The following RCC1 variants were observed in gnomAD, a reference collection of about 807,000 sequenced individuals.
The protein encoded by RCC1 is regulator of chromosome condensation 1.
In RCC1, 11 loss-of-function variants were observed where a neutral mutation model predicts 44.4. The ratio of observed to expected loss-of-function variants is 0.25; its 90% CI spans 0.16 to 0.41. RCC1 has a LOEUF of 0.41. Among genes scored for constraint, RCC1 ranks in the 10% least tolerant of loss-of-function variants. The pLI is 1.00. For missense variants in RCC1, 386 were observed against 547.1 expected (o/e 0.71, Z 2.94); for synonymous variants, 213 against 216.5 (o/e 0.98, Z 0.14).
In RCC1 at chr1:28,516,705, C is replaced by A; in HGVS notation, c.-152-20C>A. On this transcript the variant is annotated intron_variant, in intron 3 of 12. Transcript: ENST00000683442. ...AAATAGGCAATAATAATAATAATCACTTATTATTATTACATGAAGCTACAT... is the reference window on the plus strand; with the variant it reads ...AAATAGGCAATAATAATAATAATCAATTATTATTATTACATGAAGCTACAT... 2 of 358,838 alleles carry A rather than the reference C, an allele frequency of 5.6e-6. No homozygotes were observed. Among genetic ancestry groups the A allele is most frequent in the East Asian group, 8.1e-5 (1 of 12,378 alleles). 22.2% of individuals were successfully genotyped at this position (358,838 alleles called of 1,614,324 possible).
chr1:28,528,140 T>C (rs1170223576), intron 4 of RCC1, among the ~76,000 whole-genome samples: 1 of 151,096 alleles, frequency 6.6e-6, no homozygotes, highest in South Asian at 2.1e-4. Context: ...GCCAACATGG[T>C]GAAACCCCGT....
chr1:28,519,601 CTT>C (rs770993427), intron 4 of RCC1, among the ~76,000 whole-genome samples: 8 of 151,420 alleles, frequency 5.3e-5, no homozygotes, highest in Non-Finnish European at 1.0e-4. Context: ...AGTTTCCACT[CTT>C]ATTACCCAGG....
At chr1:28,515,499 T>G (rs1662843083) in intron 3 of RCC1, among the ~76,000 whole-genome samples, 1 of 146,062 alleles carries the variant, frequency 6.8e-6, no homozygotes, top group South Asian at 2.2e-4. Flanking sequence ...GGTGGATCAC[T>G]TGAGGTCAAG....
At position 28,535,342 on chromosome 1, in the gene RCC1, C is replaced by G; in HGVS notation, c.623C>G (p.Pro208Arg). The G allele has an allele frequency of 6.2e-7, 1 of 1,614,160 alleles. No individual in the cohort carries two copies. The highest frequency in any genetic ancestry group is 2.2e-5 in the East Asian group (1 of 44,888). The change falls in exon 9 of 13, where the codon CCT (proline) becomes CGT (arginine). Residue 208 changes from proline (P) to arginine (R), a missense_variant. By Grantham distance (103) the Pro-to-Arg change is moderately radical. Coordinates refer to ENST00000683442, the MANE Select transcript of RCC1 (RefSeq NM_001381865.2). ...GAACAGGGCCAGCTAGGCCGTGTGC[C>G]TGAGTTATTTGCCAACCGTGGTGGC... ...CGEQGQLGRV[P>R]ELFANRGGRQ...
chr1:28,513,169 T>C (rs111781776), intron 3 of RCC1, among the ~76,000 whole-genome samples: 2,523 of 151,992 alleles, frequency 0.017, 63 homozygotes, highest in African/African-American at 0.056. Flanking sequence ...CCGGAGTAGC[T>C]GGAATTACAG....
rs1472736582 is a variant in RCC1, at chr1:28,535,027, A to G, written c.442-23A>G. On this transcript the variant is annotated intron_variant, in intron 7 of 12. Transcript: ENST00000683442. Reference sequence around the variant, plus strand: ...ACGGGGCAGGCAGGACTGGCTGATAAGTGCCCTGTCCCTCCCTTCTAGGAC... The same window carrying G: ...ACGGGGCAGGCAGGACTGGCTGATAGGTGCCCTGTCCCTCCCTTCTAGGAC... The G allele has an allele frequency of 1.9e-6, 3 of 1,599,018 alleles. No individual in the cohort carries two copies. In the African/African-American group the frequency reaches 4.0e-5, roughly 21 times the overall value.
intron 1 of RCC1, chr1:28,507,025 A>G (rs1258952954): frequency 6.3e-6 from 1 of 157,796 alleles, no homozygotes; most frequent in Admixed American, 6.0e-5. Flanking sequence ...GATTTGGGTC[A>G]TTTTTATTTT....
intron 4 of RCC1, among the ~76,000 whole-genome samples, chr1:28,529,152 G>A (rs1225850515): frequency 6.8e-6 from 1 of 147,036 alleles, no homozygotes; most frequent in Non-Finnish European, 1.5e-5. Flanking sequence ...CAAAGTACTG[G>A]GATTACAGGC....
intron 4 of RCC1, chr1:28,526,898 G>GA (rs200034684): frequency 0.074 from 47,833 of 642,636 alleles, 52 homozygotes; most frequent in South Asian, 0.084. Context: ...CTCCGTCTCG[G>GA]AAAAAAAAAA....
intron 4 of RCC1, among the ~76,000 whole-genome samples, chr1:28,525,903 AC>A (rs1663625618): frequency 6.6e-6 from 1 of 152,184 alleles, no homozygotes; most frequent in African/African-American, 2.4e-5. Flanking sequence ...CAGAGCTGAG[AC>A]CGAGAAGGGC....
At chr1:28,515,372 C>T (rs1432041199) in intron 3 of RCC1, among the ~76,000 whole-genome samples, 3 of 151,894 alleles carry the variant, frequency 2.0e-5, no homozygotes, top group African/African-American at 4.8e-5. Context: ...TGCAGTGAGC[C>T]GAGATCCTGC....
At chr1:28,530,719 C>G in intron 5 of RCC1, 3 of 877,794 alleles carry the variant, frequency 3.4e-6, no homozygotes, top group Non-Finnish European at 5.0e-6. Context: ...CCCGGGGCTG[C>G]GGGTTGGGGG....
chr1:28,532,116 A>G (rs923374277), intron 6 of RCC1, 55 bp from the exon 7 acceptor site: 88 of 1,591,916 alleles, frequency 5.5e-5, no homozygotes, highest in East Asian at 9.0e-5. Context: ...AGTGGCCTAC[A>G]TGAGAATGGA....
At chr1:28,533,840 CTTTTCTTTTTTTTTTTTTTTTTTTTTT>C (rs1557879724) in intron 7 of RCC1, among the ~76,000 whole-genome samples, 1 of 32,674 alleles carries the variant, frequency 3.1e-5, no homozygotes, top group African/African-American at 8.5e-5. Flanking sequence ...CTTTTCTTTT[CTTTTCTTTTTTTTTTTTTTTTTTTTTT>C]TTTTTTTTTT....
At chr1:28,534,477 GC>G (rs1192549625) in intron 7 of RCC1, among the ~76,000 whole-genome samples, 1 of 152,158 alleles carries the variant, frequency 6.6e-6, no homozygotes, top group Non-Finnish European at 1.5e-5. Context: ...ACCGCGCCCG[GC>G]CTCTTTTCTT....
intron 4 of RCC1, chr1:28,519,032 G>A (rs866317151): frequency 6.6e-6 from 1 of 152,308 alleles, no homozygotes; most frequent in Non-Finnish European, 1.5e-5. Context: ...GAAGTTGAGT[G>A]TGTGGGGTGT....
intron 1 of RCC1, 64 bp downstream of exon 1, chr1:28,506,148 T>C (rs886887414): frequency 1.8e-5 from 8 of 451,266 alleles, no homozygotes; most frequent in Non-Finnish European, 3.5e-5. Flanking sequence ...TCTAATGCTA[T>C]AGATCAGTAG....
intron 3 of RCC1, chr1:28,509,258 ACT>A (rs1662308807): frequency 4.1e-6 from 1 of 242,010 alleles, no homozygotes; most frequent in Non-Finnish European, 8.2e-6. Flanking sequence ...CAGAAGGCAC[ACT>A]GTGTTGGTGG....
chr1:28,537,806 G>A, intron 12 of RCC1, 26 bp from the exon 13 acceptor site: 2 of 1,600,422 alleles, frequency 1.2e-6, no homozygotes, highest in Non-Finnish European at 8.5e-7. Flanking sequence ...CCTGGAGACA[G>A]CTGTACCCAT....
Sources: allele counts gnomAD v4.1 joint callset (sites outside exome capture counted in the v4.1 genomes callset), GRCh38; gene constraint gnomAD v4.1.1; transcripts MANE v1.5; gene names NCBI Gene and HGNC (gene_info 2026-07-23, HGNC 2026-07-21).